Variants in CNTNAP2 observed in about 807,000 individuals in gnomAD.
CNTNAP2 encodes contactin-associated protein-like 2.
In CNTNAP2, 98 loss-of-function variants were observed where a neutral mutation model predicts 155.2. The ratio of observed to expected loss-of-function variants is 0.63; its 90% CI spans 0.54 to 0.75. The LOEUF is 0.75. Among genes scored for constraint, CNTNAP2 ranks in the 30% least tolerant of loss-of-function variants. CNTNAP2 has a pLI of 0.00. For synonymous variants in CNTNAP2, 651 were observed against 631.2 expected (o/e 1.03, Z -0.47); for missense variants, 1,727 against 1,688.1 (o/e 1.02, Z -0.40).
chr7:147,254,373 C>T (rs1031900382), intron 8 of CNTNAP2, among the ~76,000 whole-genome samples: 2 of 152,048 alleles, frequency 1.3e-5, no homozygotes, highest in Non-Finnish European at 2.9e-5. Context: ...CAAAGCATGA[C>T]AATAATAGGA....
intron 9 of CNTNAP2, among the ~76,000 whole-genome samples, chr7:147,304,895 C>T (rs959841197): frequency 1.3e-5 from 2 of 152,100 alleles, no homozygotes; most frequent in African/African-American, 2.4e-5. Context: ...GCAGATTCCA[C>T]GTCTGCTGAG....
intron 1 of CNTNAP2, among the ~76,000 whole-genome samples, chr7:146,300,289 A>G (rs1800584323): frequency 1.3e-5 from 2 of 152,206 alleles, no homozygotes; most frequent in Admixed American, 1.3e-4. Flanking sequence ...CGTGTCCTTA[A>G]CTTAGTATAA....
intron 16 of CNTNAP2, among the ~76,000 whole-genome samples, chr7:148,126,028 G>T (rs1804710793): frequency 6.6e-6 from 1 of 152,084 alleles, no homozygotes; most frequent in African/African-American, 2.4e-5. Context: ...ATTTTGGATA[G>T]GATAATATTA....
chr7:146,322,683 G>A (rs1388423604), intron 1 of CNTNAP2, among the ~76,000 whole-genome samples: 5 of 114,912 alleles, frequency 4.4e-5, no homozygotes, highest in Non-Finnish European at 6.6e-5. Flanking sequence ...ACACTCAGTA[G>A]GTCTTCCCTC....
At chr7:147,264,979 T>C (rs997347403) in intron 8 of CNTNAP2, among the ~76,000 whole-genome samples, 1 of 151,984 alleles carries the variant, frequency 6.6e-6, no homozygotes, top group East Asian at 2.0e-4. Context: ...CGAAGTTCAA[T>C]AGGTAGACTC....
chr7:147,531,910 C>CA (rs537480065), intron 11 of CNTNAP2, among the ~76,000 whole-genome samples: 224 of 151,524 alleles, frequency 1.5e-3, no homozygotes, highest in African/African-American at 5.3e-3. Flanking sequence ...GGGTTCACGC[C>CA]ATTCTCCTGC....
chr7:148,364,123 C>T, intron 21 of CNTNAP2, among the ~76,000 whole-genome samples: 1 of 152,234 alleles, frequency 6.6e-6, no homozygotes, highest in Non-Finnish European at 1.5e-5. Context: ...CGGCCCGAGC[C>T]TCCCCGACGA....
At chr7:147,098,591 C>A (rs1800591878) in intron 4 of CNTNAP2, among the ~76,000 whole-genome samples, 2 of 152,238 alleles carry the variant, frequency 1.3e-5, no homozygotes, top group African/African-American at 4.8e-5. Flanking sequence ...GAGCTTTTTG[C>A]AGGTCTATGG....
In CNTNAP2 at chr7:148,420,779, G is replaced by A. The variant is rs1334588204; in HGVS notation, c.*5163G>A. The A allele has an allele frequency of 1.3e-5, 2 of 152,516 alleles. No individual in the cohort carries two copies. Among genetic ancestry groups the A allele is most frequent in the Non-Finnish European group, 2.9e-5 (2 of 68,028 alleles). 9.4% of individuals were successfully genotyped at this position (152,516 alleles called of 1,614,324 possible). A position where few individuals can be genotyped will look rare whatever the true frequency, so the allele number is the denominator to read the frequency against. On this transcript the variant is annotated 3_prime_UTR_variant, in exon 24 of 24. Coordinates refer to ENST00000361727, the MANE Select transcript of CNTNAP2 (RefSeq NM_014141.6). ...GCAGAGGTTAGTGCTGTGAAAAGCTGGGCTAAATATTCTTTCTGTAAAGTC... is the reference window on the plus strand; with the variant it reads ...GCAGAGGTTAGTGCTGTGAAAAGCTAGGCTAAATATTCTTTCTGTAAAGTC...
At chr7:146,875,680 G>C (rs1039875246) in intron 3 of CNTNAP2, among the ~76,000 whole-genome samples, 5 of 151,240 alleles carry the variant, frequency 3.3e-5, no homozygotes, top group African/African-American at 1.2e-4. Flanking sequence ...TTGGCGGGGG[G>C]GCAAAGCCAG....
intron 22 of CNTNAP2, among the ~76,000 whole-genome samples, chr7:148,394,391 G>A (rs1799419198): frequency 6.6e-6 from 1 of 152,166 alleles, no homozygotes; most frequent in Non-Finnish European, 1.5e-5. Context: ...GCAAACTGCA[G>A]TACTTATCAT....
chr7:148,201,007 A>C (rs996724467), intron 18 of CNTNAP2, among the ~76,000 whole-genome samples: 1 of 152,238 alleles, frequency 6.6e-6, no homozygotes, highest in East Asian at 1.9e-4. Context: ...CAACATAAGA[A>C]GCAATGCCTC....
intron 1 of CNTNAP2, among the ~76,000 whole-genome samples, chr7:146,190,821 C>T (rs867673059): frequency 6.6e-6 from 1 of 151,922 alleles, no homozygotes. Context: ...GAAGACAGAT[C>T]CCTTCTCTCT....
intron 9 of CNTNAP2, among the ~76,000 whole-genome samples, chr7:147,345,933 T>C (rs1055282617): frequency 2.6e-5 from 4 of 152,190 alleles, no homozygotes; most frequent in Admixed American, 6.5e-5. Flanking sequence ...TATTCCTATA[T>C]GCTTAAGCTC....
chr7:146,565,644 A>G (rs2129145063), intron 1 of CNTNAP2, among the ~76,000 whole-genome samples: 1 of 152,330 alleles, frequency 6.6e-6, no homozygotes, highest in East Asian at 1.9e-4. Flanking sequence ...TCTACAGGTA[A>G]ATTAGAAAGT....
At chr7:147,543,505 G>A (rs1799675424) in intron 11 of CNTNAP2, among the ~76,000 whole-genome samples, 2 of 152,152 alleles carry the variant, frequency 1.3e-5, no homozygotes, top group South Asian at 4.1e-4. Flanking sequence ...CTATTTCTAT[G>A]AAGATTAATG....
At chr7:147,113,431 T>A (rs1800922648) in intron 5 of CNTNAP2, among the ~76,000 whole-genome samples, 1 of 151,644 alleles carries the variant, frequency 6.6e-6, no homozygotes, top group Non-Finnish European at 1.5e-5. Flanking sequence ...TGCCCAAGAC[T>A]GAGTGATTTA....
intron 19 of CNTNAP2, among the ~76,000 whole-genome samples, chr7:148,220,165 T>A (rs1795718906): frequency 1.3e-5 from 2 of 152,246 alleles, no homozygotes; most frequent in South Asian, 4.1e-4. Flanking sequence ...TGCAGTGGCA[T>A]GATCTCGGCT....
intron 1 of CNTNAP2, among the ~76,000 whole-genome samples, chr7:146,635,988 C>T (rs1799591680): frequency 6.6e-6 from 1 of 152,070 alleles, no homozygotes; most frequent in Admixed American, 6.6e-5. Context: ...CTCACTTTAG[C>T]AAACTGCCTT....
Sources: gnomAD v4.1 joint callset for allele counts (sites outside exome capture counted in the v4.1 genomes callset) on GRCh38, gnomAD v4.1.1 for gene constraint, MANE v1.5 for transcripts, NCBI Gene and HGNC (gene_info 2026-07-23, HGNC 2026-07-21) for gene names.